ATP5MJ: variants seen among roughly 807,000 people sequenced by gnomAD.
The protein encoded by ATP5MJ is ATP synthase F(0) complex subunit j, mitochondrial.
ATP5MJ carries 4 observed loss-of-function variants against 8.3 expected under a neutral mutation model. The ratio of observed to expected loss-of-function variants is 0.48; its 90% CI spans 0.24 to 1.11. The LOEUF (loss-of-function observed/expected upper bound fraction) is 1.11. ATP5MJ is among the 50% of genes least tolerant of loss of function. The pLI is 0.18. For synonymous variants in ATP5MJ, 23 were observed against 21.3 expected, an observed-to-expected ratio of 1.08 and a Z score of -0.23; for missense variants, 66 against 71.8, an observed-to-expected ratio of 0.92 and a Z score of 0.29.
intron 1 of ATP5MJ, among the ~76,000 whole-genome samples, chr14:103,916,873 T>C (rs927948332): frequency 1.3e-5 from 2 of 152,164 alleles, no homozygotes; most frequent in African/African-American, 4.8e-5. Context: ...TGCTCGGCAG[T>C]GTGCTCCCTT....
rs2087588503 is a variant in ATP5MJ, at chr14:103,912,547, G to A, written c.*119C>T. 2 of 1,027,418 alleles carry A rather than the reference G, an allele frequency of 1.9e-6. No individual in the cohort carries two copies. The highest frequency in any genetic ancestry group is 3.0e-6 in the Non-Finnish European group (2 of 668,562). 63.6% of individuals were successfully genotyped at this position (1,027,418 alleles called of 1,614,324 possible). ...TCACAGATCCATTTATTCATGCCATGAAGTAAACGGTACTTATACAAGTGT... is the reference window on the plus strand; with the variant it reads ...TCACAGATCCATTTATTCATGCCATAAAGTAAACGGTACTTATACAAGTGT... On this transcript the variant is annotated 3_prime_UTR_variant, in exon 4 of 4. Transcript: ENST00000286953.
Position 103,912,437 on chromosome 14 carries a change from A to G in ATP5MJ, c.*229T>C. 5.7e-6 allele frequency: 3 copies of G among 529,036 alleles called. No individual in the cohort carries two copies. In the South Asian group the frequency reaches 9.4e-5, roughly 17 times the overall value. The allele number at this position is 529,036 out of a possible 1,614,324, so 32.8% of individuals were successfully genotyped here. On this transcript the variant is annotated 3_prime_UTR_variant, in exon 4 of 4. Transcript: ENST00000286953. ...AGATTCTGATTGCATGCGCTGCATG[A>G]CAAATTATCTACTCAGAGTATGCCT...
chr14:103,917,840 C>T (rs950911515), intron 1 of ATP5MJ, among the ~76,000 whole-genome samples: 18 of 152,296 alleles, frequency 1.2e-4, no homozygotes, highest in Non-Finnish European at 2.2e-4. Context: ...TCCTATAAAG[C>T]GGGTACTCGG....
chr14:103,917,844 TACTC>T (rs921545623), intron 1 of ATP5MJ, among the ~76,000 whole-genome samples: 21 of 152,186 alleles, frequency 1.4e-4, no homozygotes, highest in Non-Finnish European at 2.9e-4. Context: ...ATAAAGCGGG[TACTC>T]GGATCCCGCA....
chr14:103,914,992 C>G, intron 2 of ATP5MJ, 74 bp downstream of exon 2: 2 of 1,591,508 alleles, frequency 1.3e-6, no homozygotes, highest in Non-Finnish European at 1.7e-6. Flanking sequence ...AGTTCCTTTA[C>G]AATGTGAATT....
chr14:103,914,922 C>T, intron 2 of ATP5MJ, 144 bp downstream of exon 2: 1 of 987,462 alleles, frequency 1.0e-6, no homozygotes. Context: ...ACATGTGCTC[C>T]CTGTATTTTT....
intron 2 of ATP5MJ, chr14:103,914,458 T>C: frequency 1.6e-6 from 1 of 615,338 alleles, no homozygotes; most frequent in Non-Finnish European, 3.0e-6. Context: ...TAATACCACT[T>C]TCACACCTAA....
At position 103,914,837 on chromosome 14, in the gene ATP5MJ, C is replaced by CAAAAAAAA. The variant is rs35916279; in HGVS notation, c.124+221_124+228dup. 2.6e-3 allele frequency: 505 copies of CAAAAAAAA among 190,730 alleles called. 6 individuals are homozygous for CAAAAAAAA. Among genetic ancestry groups the CAAAAAAAA allele is most frequent in the Middle Eastern group, 4.6e-3 (3 of 652 alleles). 11.8% of individuals were successfully genotyped at this position (190,730 alleles called of 1,614,324 possible). A position where few individuals can be genotyped will look rare whatever the true frequency, so the allele number is the denominator to read the frequency against. On this transcript the variant is annotated intron_variant, in intron 2 of 3. Coordinates refer to ENST00000286953, the MANE Select transcript of ATP5MJ (RefSeq NM_004894.3). ...GGGCGTCAGAGTGAGAGACTGTCTC[C>CAAAAAAAA]AAAAAAAAAAAAAAAAAAAAGAAAA... is the stretch of plus-strand genomic sequence containing the variant.
intron 3 of ATP5MJ, chr14:103,913,615 A>G: frequency 9.8e-6 from 4 of 408,080 alleles, no homozygotes; most frequent in Non-Finnish European, 1.7e-5. Flanking sequence ...CGTCTCAAAA[A>G]ACAATAAACA....
At chr14:103,920,935 A>AT (rs1435709016) in intron 1 of ATP5MJ, 9 of 1,547,262 alleles carry the variant, frequency 5.8e-6, no homozygotes, top group Non-Finnish European at 7.0e-6. Context: ...AGGGCGAACT[A>AT]TTACCTGACA....
At chr14:103,916,928 C>G (rs2087630588) in intron 1 of ATP5MJ, among the ~76,000 whole-genome samples, 1 of 152,156 alleles carries the variant, frequency 6.6e-6, no homozygotes, top group African/African-American at 2.4e-5. Context: ...CGCACTGAAT[C>G]CTTCACAAGC....
intron 1 of ATP5MJ, among the ~76,000 whole-genome samples, chr14:103,918,590 G>A (rs1414248120): frequency 1.3e-5 from 2 of 152,022 alleles, no homozygotes; most frequent in African/African-American, 4.8e-5. Flanking sequence ...TCGATCTCCT[G>A]ACCTTGTGTT....
Position 103,912,803 on chromosome 14 carries a change from A to G in ATP5MJ, c.149-109T>C, listed in dbSNP as rs759899431. ...AGTTGATCAACAGTCCAAAAAGATA[A>G]ATGACACCTTTCAATACTATTGAAA... On this transcript the variant is annotated intron_variant, in intron 3 of 3. Coordinates refer to ENST00000286953, the MANE Select transcript of ATP5MJ (RefSeq NM_004894.3). 412 of 1,065,614 alleles carry G rather than the reference A, an allele frequency of 3.9e-4. 2 individuals are homozygous for G. The highest frequency in any genetic ancestry group is 5.7e-4 in the Non-Finnish European group (400 of 698,832). The allele number at this position is 1,065,614 out of a possible 1,614,324, so 66.0% of individuals were successfully genotyped here.
chr14:103,920,584 G>C (rs1475462380), intron 1 of ATP5MJ, among the ~76,000 whole-genome samples: 1 of 149,058 alleles, frequency 6.7e-6, no homozygotes, highest in East Asian at 2.0e-4. Context: ...CGATTCTCCT[G>C]CCTCAGCCTC....
chr14:103,914,891 C>A, intron 2 of ATP5MJ, 175 bp downstream of exon 2: 1 of 595,654 alleles, frequency 1.7e-6, no homozygotes, highest in Non-Finnish European at 2.6e-6. Flanking sequence ...CCCCACTGTC[C>A]CCAAATGTCT....
At chr14:103,912,773 A>G (rs1199256048) in intron 3 of ATP5MJ, 79 bp from the exon 4 acceptor site, 6 of 1,419,714 alleles carry the variant, frequency 4.2e-6, no homozygotes, top group Non-Finnish European at 4.9e-6. Flanking sequence ...ACAAGTATCA[A>G]AAGAAGTTGA....
chr14:103,918,005 C>G (rs377130071), intron 1 of ATP5MJ: 1 of 152,218 alleles, frequency 6.6e-6, no homozygotes, highest in African/African-American at 2.4e-5. Flanking sequence ...GAGGTCTGAC[C>G]TTGCAGGATG....
intron 1 of ATP5MJ, chr14:103,921,005 T>C: frequency 6.4e-7 from 1 of 1,551,694 alleles, no homozygotes. Context: ...CACCGTATGA[T>C]CTCTTTTCAG....
intron 2 of ATP5MJ, chr14:103,914,377 G>T: frequency 1.9e-6 from 1 of 538,286 alleles, no homozygotes. Flanking sequence ...CAGTTGAAAA[G>T]GTGCAATGAA....
Sources: gnomAD v4.1 joint callset for allele counts (sites outside exome capture counted in the v4.1 genomes callset) on GRCh38, gnomAD v4.1.1 for gene constraint, MANE v1.5 for transcripts, NCBI Gene and HGNC (gene_info 2026-07-23, HGNC 2026-07-21) for gene names.